The following FAN1 variants were observed in gnomAD, a reference collection of about 807,000 sequenced individuals.
FAN1 encodes FANCD2 and FANCI associated nuclease 1, also known as fanconi-associated nuclease 1.
In FAN1, 91 loss-of-function variants were observed where a neutral mutation model predicts 104.9. That is an observed-to-expected ratio of 0.87 (90% confidence interval 0.73 to 1.03). FAN1 has a LOEUF of 1.03. Among genes scored for constraint, FAN1 ranks in the 50% least tolerant of loss-of-function variants. FAN1 has a pLI of 0.00. For synonymous variants in FAN1, 478 were observed against 457.6 expected (o/e 1.04, Z -0.57); for missense variants, 1,263 against 1,239.9 (o/e 1.02, Z -0.28).
At chr15:30,927,706 TGTG>T (rs2062500308) in intron 10 of FAN1, 2 of 985,452 alleles carry the variant, frequency 2.0e-6, no homozygotes, top group Non-Finnish European at 2.4e-6. Context: ...CCAGTGGTCT[TGTG>T]GGGAGAGGCA....
intron 14 of FAN1, 99 bp from the exon 15 acceptor site, chr15:30,941,467 A>G (rs1566941965): frequency 6.2e-7 from 1 of 1,600,528 alleles, no homozygotes; most frequent in Non-Finnish European, 8.5e-7. Context: ...AAAACACCCT[A>G]TTTTAGTCTT....
At position 30,937,125 on chromosome 15, in the gene FAN1, G is replaced by A. The variant is rs2062877529; in HGVS notation, c.2923G>A (p.Glu975Lys). ...TTAAAAATTTCTTTTCCAGCTGGTG[G>A]AAGTTAAAGGCCCCAATGATCGTCT... ...NSQSRHFKLV[E>K]VKGPNDRLSH... The change falls in exon 14 of 15, where the codon GAA (glutamate) becomes AAA (lysine). Residue 975 changes from glutamate (E) to lysine (K), a missense_variant. By Grantham distance (56) the Glu-to-Lys change is moderately conservative. This residue lies in a region of FAN1 where 581 missense variants were observed against 668.8 expected (regional missense o/e 0.87). Transcript: ENST00000362065. The A allele has an allele frequency of 6.2e-7, 1 of 1,606,756 alleles. No homozygotes were observed. Among genetic ancestry groups the A allele is most frequent in the Non-Finnish European group, 8.5e-7 (1 of 1,178,208 alleles).
chr15:30,923,928 G>A (rs1259443082), intron 8 of FAN1, among the ~76,000 whole-genome samples: 1 of 152,016 alleles, frequency 6.6e-6, no homozygotes, highest in African/African-American at 2.4e-5. Context: ...TCATAGTGTT[G>A]TGTGACCATT....
chr15:30,939,965 C>G, intron 14 of FAN1: 1 of 982,530 alleles, frequency 1.0e-6, no homozygotes, highest in Non-Finnish European at 1.2e-6. Context: ...CTGTTATATC[C>G]AGAGACATTA....
chr15:30,914,440 C>T (rs998179011), intron 5 of FAN1, among the ~76,000 whole-genome samples: 3 of 152,222 alleles, frequency 2.0e-5, no homozygotes, highest in Non-Finnish European at 4.4e-5. Context: ...TCACCGCTCA[C>T]TGTAGCCTCA....
rs759071765 is a variant in FAN1 at position 30,930,530 on chromosome 15, G to A, written c.2788-13G>A. 1.1e-5 allele frequency: 17 copies of A among 1,585,446 alleles called. No homozygotes were observed. The South Asian group carries it at 2.0e-4, about 18-fold the overall frequency. Reference sequence around the variant, plus strand: ...CGAGGGAAGTGGCTAACTGTCCTGTGTTTTGTGTTCAGGATCTTGTCTCCT... The same window carrying A: ...CGAGGGAAGTGGCTAACTGTCCTGTATTTTGTGTTCAGGATCTTGTCTCCT... On this transcript the variant is annotated splice_polypyrimidine_tract_variant and intron_variant, in intron 12 of 14. Coordinates refer to ENST00000362065, the MANE Select transcript of FAN1 (RefSeq NM_014967.5).
Position 30,930,536 on chromosome 15 carries a change from T to A in FAN1, c.2788-7T>A. ...AAGTGGCTAACTGTCCTGTGTTTTG[T>A]GTTCAGGATCTTGTCTCCTGCCTGG... is the stretch of plus-strand genomic sequence containing the variant. On this transcript the variant is annotated splice_polypyrimidine_tract_variant and splice_region_variant and intron_variant, in intron 12 of 14. Transcript: ENST00000362065. 1 of 1,586,610 alleles carries A rather than the reference T, an allele frequency of 6.3e-7. No homozygotes were observed. Among genetic ancestry groups the A allele is most frequent in the Non-Finnish European group, 8.5e-7 (1 of 1,172,198 alleles).
chr15:30,924,763 CAT>C (rs888084790), intron 8 of FAN1, among the ~76,000 whole-genome samples: 12 of 148,890 alleles, frequency 8.1e-5, no homozygotes, highest in Middle Eastern at 6.8e-3. Flanking sequence ...GGGTGGGACA[CAT>C]GTTTTCCTAC....
intron 13 of FAN1, among the ~76,000 whole-genome samples, chr15:30,932,051 T>A (rs1374227774): frequency 2.0e-5 from 3 of 151,404 alleles, no homozygotes; most frequent in Admixed American, 1.3e-4. Context: ...TGAAACCCCG[T>A]CTCTACTAAA....
chr15:30,941,833 CCA>C lies in FAN1; in HGVS notation c.*274_*275del, dbSNP rs2063065881. On this transcript the variant is annotated 3_prime_UTR_variant, in exon 15 of 15. Coordinates refer to ENST00000362065, the MANE Select transcript of FAN1 (RefSeq NM_014967.5). ...GAACCCAGCGGAAGTAGCACAGTTT[CCA>C]CAGTTTTATGTGTGTTCCAGAGACA... The C allele has an allele frequency of 2.5e-6, 4 of 1,614,044 alleles. No homozygotes were observed. Among genetic ancestry groups the C allele is most frequent in the Non-Finnish European group, 3.4e-6 (4 of 1,179,892 alleles).
chr15:30,940,257 T>C, intron 14 of FAN1: 1 of 981,864 alleles, frequency 1.0e-6, no homozygotes, highest in Non-Finnish European at 1.2e-6. Flanking sequence ...GGTAGGCTCT[T>C]GTCACACAGT....
chr15:30,941,137 G>T, intron 14 of FAN1: 1 of 1,283,160 alleles, frequency 7.8e-7, no homozygotes, highest in Non-Finnish European at 1.0e-6. Flanking sequence ...TCTGCTGCCT[G>T]GGGCTGCTAA....
intron 13 of FAN1, among the ~76,000 whole-genome samples, chr15:30,934,925 A>C (rs1245789718): frequency 6.6e-6 from 1 of 152,142 alleles, no homozygotes; most frequent in Admixed American, 6.5e-5. Context: ...TGCTTTCTAC[A>C]GTTGATTAAT....
At chr15:30,918,354 C>T in intron 6 of FAN1, 59 bp downstream of exon 6, 1 of 1,546,726 alleles carries the variant, frequency 6.5e-7, no homozygotes, top group Non-Finnish European at 8.9e-7. Context: ...GTTCCCAACA[C>T]TTACAGTAAT....
Position 30,908,294 on chromosome 15 carries a change from T to C in FAN1, c.1375+36T>C, listed in dbSNP as rs374747721. On this transcript the variant is annotated intron_variant, in intron 3 of 14. Transcript: ENST00000362065. Reference sequence around the variant, plus strand: ...TAGAAGGAGATGTGAAATGAAAATATGATCTGAAGAACTGAGCTTCTGCAG... The same window carrying C: ...TAGAAGGAGATGTGAAATGAAAATACGATCTGAAGAACTGAGCTTCTGCAG... 3.3e-6 allele frequency: 5 copies of C among 1,537,946 alleles called. No individual in the cohort carries two copies. In the African/African-American group the frequency reaches 6.9e-5, roughly 21 times the overall value.
At chr15:30,934,523 G>A (rs1241755568) in intron 13 of FAN1, among the ~76,000 whole-genome samples, 5 of 152,008 alleles carry the variant, frequency 3.3e-5, no homozygotes, top group Non-Finnish European at 7.4e-5. Context: ...ACAGGTGCAC[G>A]CCACCATGCC....
intron 6 of FAN1, among the ~76,000 whole-genome samples, chr15:30,919,563 T>C (rs533842659): frequency 2.0e-5 from 3 of 150,300 alleles, no homozygotes; most frequent in African/African-American, 7.3e-5. Context: ...TTGTGACGAG[T>C]GTCTGTAATC....
Position 30,942,337 on chromosome 15 carries a change from A to G in FAN1, c.*775A>G. On this transcript the variant is annotated 3_prime_UTR_variant, in exon 15 of 15. Coordinates refer to ENST00000362065, the MANE Select transcript of FAN1 (RefSeq NM_014967.5). ...CTCCTATCCACTAATTTGCTTAAGGATAAGTTCTAAGACGGGCTAGAAAAA... is the reference window on the plus strand; with the variant it reads ...CTCCTATCCACTAATTTGCTTAAGGGTAAGTTCTAAGACGGGCTAGAAAAA... 5 of 523,068 alleles carry G rather than the reference A, an allele frequency of 9.6e-6. No homozygotes were observed. Among genetic ancestry groups the G allele is most frequent in the Non-Finnish European group, 1.7e-5 (5 of 295,746 alleles). The allele number at this position is 523,068 out of a possible 1,614,324, so 32.4% of individuals were successfully genotyped here.
At chr15:30,935,747 G>A (rs1201877979) in intron 13 of FAN1, among the ~76,000 whole-genome samples, 1 of 151,846 alleles carries the variant, frequency 6.6e-6, no homozygotes, top group East Asian at 1.9e-4. Flanking sequence ...TTTTCTCCGT[G>A]CAATGAATTT....
Sources: allele counts gnomAD v4.1 joint callset (sites outside exome capture counted in the v4.1 genomes callset), GRCh38; gene constraint gnomAD v4.1.1; regional missense constraint gnomAD v4.1.1; transcripts MANE v1.5; gene names NCBI Gene and HGNC (gene_info 2026-07-23, HGNC 2026-07-21).